The following RPAP2 variants were observed in gnomAD, a reference collection of about 807,000 sequenced individuals.
RPAP2 encodes RNA polymerase II associated protein 2.
A neutral mutation model predicts 73.1 loss-of-function variants in RPAP2; 52 were observed. That is an observed-to-expected ratio of 0.71 (90% confidence interval 0.57 to 0.90). RPAP2 has a LOEUF of 0.90. Among genes scored for constraint, RPAP2 ranks in the 40% least tolerant of loss-of-function variants. The probability of loss-of-function intolerance (pLI) is 0.00; values close to 1 mark genes in which losing one functional copy is unlikely to be tolerated. For synonymous variants in RPAP2, 225 were observed against 242.1 expected (o/e 0.93, Z 0.65); for missense variants, 598 against 701.8 (o/e 0.85, Z 1.67).
At chr1:92,317,782 T>C (rs1317568208) in intron 6 of RPAP2, among the ~76,000 whole-genome samples, 2 of 152,188 alleles carry the variant, frequency 1.3e-5, no homozygotes, top group African/African-American at 4.8e-5. Flanking sequence ...AAAGATACAA[T>C]TTTCTTTTAA....
In RPAP2 at chr1:92,345,879, G is replaced by A. The variant is rs371513443; in HGVS notation, c.1653G>A (p.Ala551=). The A allele has an allele frequency of 6.9e-6, 11 of 1,604,714 alleles. No individual in the cohort carries two copies. The highest frequency in any genetic ancestry group is 4.0e-5 in the African/African-American group (3 of 74,690). ...LTNRNIIHKP[A]EWTLIAMVLL... ...ATAGAAATATTATACACAAACCTGC[G>A]GAATGGACTTTAATTGCTATGGTGT... Residue 551 remains alanine, a synonymous_variant, in exon 11 of 13, where the codon GCG becomes GCA. Coordinates refer to ENST00000610020, the MANE Select transcript of RPAP2 (RefSeq NM_024813.3).
rs184801196 is a variant in RPAP2 at position 92,370,139 on chromosome 1, C to T, written c.1689-10585C>T. Among the ~76,000 whole-genome samples, 4 of 152,350 alleles carry T rather than the reference C, an allele frequency of 2.6e-5. No homozygotes were observed. The East Asian group carries it at 7.7e-4, about 29-fold the overall frequency. On this transcript the variant is annotated intron_variant, in intron 11 of 12. Coordinates refer to ENST00000610020, the MANE Select transcript of RPAP2 (RefSeq NM_024813.3). ...GCCAAAAGTGATCCGCCCGCATCAG[C>T]CTCCCAAAGTGCTGGGATTACAGGC...
chr1:92,318,544 C>T (rs1327962656), intron 6 of RPAP2, among the ~76,000 whole-genome samples: 1 of 151,984 alleles, frequency 6.6e-6, no homozygotes, highest in Non-Finnish European at 1.5e-5. Context: ...AACTTTGAAT[C>T]GACCACCAAC....
At chr1:92,357,094 TACACACACAC>T (rs34488806) in intron 11 of RPAP2, among the ~76,000 whole-genome samples, 3 of 144,842 alleles carry the variant, frequency 2.1e-5, no homozygotes, top group Non-Finnish European at 3.0e-5. Flanking sequence ...AAGGATTACA[TACACACACAC>T]ACACACACAC....
intron 6 of RPAP2, among the ~76,000 whole-genome samples, chr1:92,312,276 G>A (rs1341883335): frequency 6.6e-6 from 1 of 152,128 alleles, no homozygotes; most frequent in African/African-American, 2.4e-5. Context: ...AATTAGCTGG[G>A]TGTGGTGGCA....
chr1:92,345,772 T>C, intron 10 of RPAP2, 74 bp from the exon 11 acceptor site: 1 of 922,714 alleles, frequency 1.1e-6, no homozygotes, highest in Non-Finnish European at 1.7e-6. Context: ...ATTATAAATC[T>C]GATGTTATCT....
Position 92,380,888 on chromosome 1 carries a change from G to A in RPAP2, c.1838+15G>A. 6.6e-7 allele frequency: 1 copy of A among 1,525,754 alleles called. No individual in the cohort carries two copies. The highest frequency in any genetic ancestry group is 1.3e-5 in the South Asian group (1 of 77,078). The allele number at this position is 1,525,754 out of a possible 1,614,324, so 94.5% of individuals were successfully genotyped here. A position where few individuals can be genotyped will look rare whatever the true frequency, so the allele number is the denominator to read the frequency against. Reference sequence around the variant, plus strand: ...TTACCAGAGTGGTAAGTTGGATTGTGTTTTATTTTGGTTTTTATTCTTCAT... The same window carrying A: ...TTACCAGAGTGGTAAGTTGGATTGTATTTTATTTTGGTTTTTATTCTTCAT... On this transcript the variant is annotated intron_variant, in intron 12 of 12. Coordinates refer to ENST00000610020, the MANE Select transcript of RPAP2 (RefSeq NM_024813.3).
intron 11 of RPAP2, among the ~76,000 whole-genome samples, chr1:92,371,620 G>A (rs748736602): frequency 9.2e-5 from 14 of 151,748 alleles, no homozygotes; most frequent in Non-Finnish European, 1.9e-4. Flanking sequence ...TAAAAAGAAG[G>A]AAATCCTGTT....
At chr1:92,386,864 C>T in intron 12 of RPAP2, 147 bp from the exon 13 acceptor site, 2 of 505,344 alleles carry the variant, frequency 4.0e-6, no homozygotes, top group East Asian at 6.4e-5. Context: ...CCATGCCTGG[C>T]AAACTTTTTG....
chr1:92,347,382 T>C lies in RPAP2; in HGVS notation c.1688+1468T>C, dbSNP rs575684587. Among the ~76,000 whole-genome samples the C allele has an allele frequency of 1.1e-4, 16 of 152,332 alleles. No individual in the cohort carries two copies. In the East Asian group the frequency reaches 1.5e-3, roughly 15 times the overall value. ...TCATATGCCTGCTAGTAAACACTTA[T>C]AGACAACTGTCTAACTGTAGTTCTG... is the stretch of plus-strand genomic sequence containing the variant. On this transcript the variant is annotated intron_variant, in intron 11 of 12. Coordinates refer to ENST00000610020, the MANE Select transcript of RPAP2 (RefSeq NM_024813.3).
intron 12 of RPAP2, among the ~76,000 whole-genome samples, chr1:92,383,875 G>C (rs191445394): frequency 1.2e-4 from 18 of 152,154 alleles, no homozygotes; most frequent in Non-Finnish European, 2.6e-4. Flanking sequence ...CAGTTTTTCA[G>C]TATGATATTG....
At chr1:92,366,793 T>C (rs574122149) in intron 11 of RPAP2, among the ~76,000 whole-genome samples, 1 of 152,130 alleles carries the variant, frequency 6.6e-6, no homozygotes, top group Non-Finnish European at 1.5e-5. Context: ...TTTTGCAAAA[T>C]GTCTGGGGTT....
At chr1:92,373,754 A>ATT (rs1557630331) in intron 11 of RPAP2, among the ~76,000 whole-genome samples, 4 of 144,914 alleles carry the variant, frequency 2.8e-5, no homozygotes, top group African/African-American at 1.0e-4. Flanking sequence ...AAAAAAAAAA[A>ATT]AAAAAAAAAA....
chr1:92,305,226 A>G (rs1468974358), intron 5 of RPAP2, among the ~76,000 whole-genome samples: 1 of 151,916 alleles, frequency 6.6e-6, no homozygotes, highest in Admixed American at 6.6e-5. Context: ...AGGTCAGGAA[A>G]TCGAGACCAT....
chr1:92,324,085 C>T lies in RPAP2; in HGVS notation c.1165C>T (p.Gln389Ter). Residue 389 changes from glutamine to a stop codon, truncating the protein, a stop_gained, in exon 8 of 13, where the codon CAG (glutamine) becomes TAG (stop). Coordinates refer to ENST00000610020, the MANE Select transcript of RPAP2 (RefSeq NM_024813.3). LOFTEE classifies it high-confidence loss of function. ...TEETLRFLYG[Q>*]NYASVCLKPE... The stretch of plus-strand genomic sequence containing the variant: ...AGAAACATTGAGGTTTTTGTATGGC[C>T]AGAATTATGCTTCTGTGTGTCTGAA... The T allele has an allele frequency of 6.2e-7, 1 of 1,613,960 alleles. No homozygotes were observed. The highest frequency in any genetic ancestry group is 1.1e-5 in the South Asian group (1 of 91,074).
At chr1:92,357,122 A>AC (rs1245828516) in intron 11 of RPAP2, among the ~76,000 whole-genome samples, 10 of 139,506 alleles carry the variant, frequency 7.2e-5, no homozygotes, top group African/African-American at 1.7e-4. Context: ...CACACACACA[A>AC]ACAGATGTTT....
At chr1:92,300,171 A>C (rs778805862) in intron 1 of RPAP2, 23 bp from the exon 2 acceptor site, 18 of 1,570,104 alleles carry the variant, frequency 1.1e-5, no homozygotes, top group Non-Finnish European at 1.5e-5. Context: ...ATTATGTAGC[A>C]CATGACTGTA....
At chr1:92,322,770 G>T (rs1652360960) in intron 7 of RPAP2, among the ~76,000 whole-genome samples, 1 of 151,488 alleles carries the variant, frequency 6.6e-6, no homozygotes, top group Non-Finnish European at 1.5e-5. Flanking sequence ...CCAGCTACTT[G>T]GGAGGCCGAG....
chr1:92,356,952 GC>G (rs1294569796), intron 11 of RPAP2, among the ~76,000 whole-genome samples: 1 of 151,906 alleles, frequency 6.6e-6, no homozygotes, highest in Non-Finnish European at 1.5e-5. Context: ...TGTAATCTCA[GC>G]TACTCAGGAT....
Sources: allele counts gnomAD v4.1 joint callset (sites outside exome capture counted in the v4.1 genomes callset), GRCh38; gene constraint gnomAD v4.1.1; transcripts MANE v1.5; gene names NCBI Gene and HGNC (gene_info 2026-07-23, HGNC 2026-07-21).